SSPN: variants seen among roughly 807,000 people sequenced by gnomAD.
SSPN encodes K-ras oncogene-associated protein.
In SSPN, 15 loss-of-function variants were observed where a neutral mutation model predicts 19.1. The observed-to-expected ratio is 0.78, with a 90% confidence interval of 0.52 to 1.21. The LOEUF is 1.21. Ranked by LOEUF, SSPN falls within the 50% of genes most tolerant of loss-of-function variation. SSPN has a pLI of 0.00. For synonymous variants in SSPN, 147 were observed against 140.3 expected (o/e 1.05, Z -0.34); for missense variants, 291 against 314.0 (o/e 0.93, Z 0.55).
At position 26,182,887 on chromosome 12, in the gene SSPN, C is replaced by T. The variant is rs939063387; in HGVS notation, c.-30-41406C>T. On this transcript the variant is annotated intron_variant, in intron 1 of 2. Coordinates refer to the SSPN transcript ENST00000538142. Reference sequence around the variant, plus strand: ...AAGTGATTCTCCAGCCTCAGCCTCCCGAGTAGCTGGGATTACAGGCACACG... The same window carrying T: ...AAGTGATTCTCCAGCCTCAGCCTCCTGAGTAGCTGGGATTACAGGCACACG... Among the ~76,000 whole-genome samples, 9 of 151,880 alleles carry T rather than the reference C, an allele frequency of 5.9e-5. No homozygotes were observed. The East Asian group carries it at 1.2e-3, about 20-fold the overall frequency.
At chr12:26,201,028 T>TAAATAATATATATATATATA (rs1361123257) in intron 1 of SSPN, among the ~76,000 whole-genome samples, 3 of 34,738 alleles carry the variant, frequency 8.6e-5, no homozygotes, top group Admixed American at 3.4e-4. Flanking sequence ...TATATATATA[T>TAAATAATATATATATATATA]ATATATATAT....
At chr12:26,140,714 C>T (rs1366767616) in intron 1 of SSPN, among the ~76,000 whole-genome samples, 2 of 152,202 alleles carry the variant, frequency 1.3e-5, no homozygotes, top group African/African-American at 4.8e-5. Context: ...ACTTCTTCCT[C>T]TTCACCTTCC....
chr12:26,189,363 C>A (rs1256951382), intron 1 of SSPN, among the ~76,000 whole-genome samples: 11 of 152,126 alleles, frequency 7.2e-5, no homozygotes, highest in Non-Finnish European at 1.5e-4. Context: ...AAATACTGAT[C>A]CTACATTCAT....
At chr12:26,148,066 A>G (rs16930177) in intron 1 of SSPN, among the ~76,000 whole-genome samples, 6,571 of 152,204 alleles carry the variant, frequency 0.043, 508 homozygotes, top group African/African-American at 0.15. Context: ...ATAGTCTGGA[A>G]TTCTGTTTTA....
At chr12:26,124,357 T>C (rs1341289642) in intron 1 of SSPN, among the ~76,000 whole-genome samples, 1 of 148,124 alleles carries the variant, frequency 6.8e-6, no homozygotes, top group Non-Finnish European at 1.5e-5. Context: ...TCAGGTATGA[T>C]GTTTAATATC....
At chr12:26,185,891 T>C (rs1944750807) in intron 1 of SSPN, among the ~76,000 whole-genome samples, 1 of 152,214 alleles carries the variant, frequency 6.6e-6, no homozygotes, top group African/African-American at 2.4e-5. Flanking sequence ...TATGTGTCTG[T>C]CTCCCTTCAG....
At chr12:26,180,478 A>G (rs1347716577) in intron 1 of SSPN, 3 of 152,236 alleles carry the variant, frequency 2.0e-5, no homozygotes, top group Non-Finnish European at 2.9e-5. Flanking sequence ...AAGCCCTACC[A>G]TCGTGCAAAA....
chr12:26,124,253 G>GCC (rs5797164), intron 1 of SSPN: 131 of 787,490 alleles, frequency 1.7e-4, no homozygotes, highest in South Asian at 4.3e-4. Context: ...ACCCTCGTCT[G>GCC]CCCCCCCCGC....
intron 1 of SSPN, among the ~76,000 whole-genome samples, chr12:26,210,248 A>G (rs533045522): frequency 2.0e-5 from 3 of 152,210 alleles, no homozygotes; most frequent in African/African-American, 7.2e-5. Context: ...ATATCATTTT[A>G]TTTATAAATA....
intron 1 of SSPN, among the ~76,000 whole-genome samples, chr12:26,223,374 C>A (rs1591895107): frequency 6.6e-6 from 1 of 152,178 alleles, no homozygotes; most frequent in Non-Finnish European, 1.5e-5. Context: ...CCACGCCTGG[C>A]TAATTTTTGT....
intron 1 of SSPN, among the ~76,000 whole-genome samples, chr12:26,173,475 C>T (rs1234842216): frequency 6.6e-6 from 1 of 152,196 alleles, no homozygotes; most frequent in Non-Finnish European, 1.5e-5. Flanking sequence ...AGGGCCTCTT[C>T]TGCTATCATG....
intron 1 of SSPN, among the ~76,000 whole-genome samples, chr12:26,136,232 CA>C (rs991143643): frequency 6.6e-6 from 1 of 152,168 alleles, no homozygotes; most frequent in Non-Finnish European, 1.5e-5. Flanking sequence ...CATTTTATAT[CA>C]GGGGACTTGA....
At chr12:26,215,508 G>A (rs994974036) in intron 1 of SSPN, among the ~76,000 whole-genome samples, 3 of 152,216 alleles carry the variant, frequency 2.0e-5, no homozygotes, top group African/African-American at 7.2e-5. Context: ...CTGATTGCAT[G>A]CATCTCTTCA....
chr12:26,191,080 A>T (rs1944784805), upstream of SSPN, among the ~76,000 whole-genome samples: 1 of 152,222 alleles, frequency 6.6e-6, no homozygotes, highest in Non-Finnish European at 1.5e-5. Flanking sequence ...CATTGCCTGC[A>T]TCAATAGTTC....
At chr12:26,189,724 C>A (rs1944776372) in intron 1 of SSPN, among the ~76,000 whole-genome samples, 1 of 152,188 alleles carries the variant, frequency 6.6e-6, no homozygotes, top group African/African-American at 2.4e-5. Flanking sequence ...TTTTCACCTC[C>A]TGTTCATTCT....
At chr12:26,229,448 T>C (rs1945208617) in intron 2 of SSPN, among the ~76,000 whole-genome samples, 1 of 152,216 alleles carries the variant, frequency 6.6e-6, no homozygotes, top group Admixed American at 6.5e-5. Context: ...ATTCCAAATT[T>C]AAGACTTGAA....
intron 1 of SSPN, among the ~76,000 whole-genome samples, chr12:26,197,896 C>T (rs942540479): frequency 6.6e-6 from 1 of 152,100 alleles, no homozygotes; most frequent in African/African-American, 2.4e-5. Context: ...TAGAGATGTC[C>T]TGAGACTAGT....
intron 1 of SSPN, among the ~76,000 whole-genome samples, chr12:26,128,845 G>A (rs558312844): frequency 1.3e-4 from 20 of 152,186 alleles, no homozygotes; most frequent in Admixed American, 2.0e-4. Context: ...GTTAAGTAAG[G>A]AAATCATTAC....
chr12:26,128,065 T>A (rs900605899), intron 1 of SSPN, among the ~76,000 whole-genome samples: 1 of 152,224 alleles, frequency 6.6e-6, no homozygotes, highest in Non-Finnish European at 1.5e-5. Context: ...TGCAAAATAT[T>A]TCCAAGGTCC....
Sources: gnomAD v4.1 joint callset for allele counts (sites outside exome capture counted in the v4.1 genomes callset) on GRCh38, gnomAD v4.1.1 for gene constraint, MANE v1.5 for transcripts, NCBI Gene and HGNC (gene_info 2026-07-23, HGNC 2026-07-21) for gene names.